The following SPOCK1 variants were observed in gnomAD, a reference collection of about 807,000 sequenced individuals.
SPOCK1 encodes testican-1.
In SPOCK1, 23 loss-of-function variants were observed where a neutral mutation model predicts 55.3. The ratio of observed to expected loss-of-function variants is 0.42; its 90% CI spans 0.30 to 0.59. The LOEUF is 0.59. Ranked by LOEUF, SPOCK1 falls within the 20% of genes least tolerant of loss-of-function variation. The probability of loss-of-function intolerance (pLI) is 0.22; values close to 1 mark genes in which losing one functional copy is unlikely to be tolerated. For synonymous variants in SPOCK1, 226 were observed against 221.0 expected, an observed-to-expected ratio of 1.02 and a Z score of -0.20; for missense variants, 499 against 552.5, an observed-to-expected ratio of 0.90 and a Z score of 0.97.
At chr5:137,461,599 G>C (rs560487173) in intron 2 of SPOCK1, among the ~76,000 whole-genome samples, 161 of 152,280 alleles carry the variant, frequency 1.1e-3, no homozygotes, top group African/African-American at 3.8e-3. Context: ...GAGTCTCCTG[G>C]AAAGCTTAGG....
At chr5:137,267,788 G>T (rs559769172) in intron 2 of SPOCK1, among the ~76,000 whole-genome samples, 1 of 152,200 alleles carries the variant, frequency 6.6e-6, no homozygotes, top group African/African-American at 2.4e-5. Context: ...CTTCCTAACA[G>T]CCACCATGTA....
At chr5:137,210,888 G>A (rs886926388) in intron 3 of SPOCK1, among the ~76,000 whole-genome samples, 1 of 152,250 alleles carries the variant, frequency 6.6e-6, no homozygotes, top group South Asian at 2.1e-4. Flanking sequence ...GGAGTCCAGG[G>A]GCTCAATTCT....
At chr5:137,256,148 C>A (rs1248463338) in intron 3 of SPOCK1, among the ~76,000 whole-genome samples, 1 of 152,146 alleles carries the variant, frequency 6.6e-6, no homozygotes, top group Non-Finnish European at 1.5e-5. Flanking sequence ...GCACCATATT[C>A]TGTATGGATT....
intron 2 of SPOCK1, among the ~76,000 whole-genome samples, chr5:137,319,493 G>C (rs1757940591): frequency 6.6e-6 from 1 of 152,166 alleles, no homozygotes; most frequent in Admixed American, 6.5e-5. Flanking sequence ...TTTCTTGGAA[G>C]GCATCAATGA....
At chr5:137,487,494 C>A (rs1754084397) in intron 2 of SPOCK1, among the ~76,000 whole-genome samples, 1 of 152,226 alleles carries the variant, frequency 6.6e-6, no homozygotes, top group Admixed American at 6.5e-5. Context: ...AGTAAACATT[C>A]TTTATTACAT....
At chr5:137,153,305 G>A (rs1285703201) in intron 3 of SPOCK1, among the ~76,000 whole-genome samples, 1 of 152,166 alleles carries the variant, frequency 6.6e-6, no homozygotes, top group Non-Finnish European at 1.5e-5. Context: ...AAAATTCAGA[G>A]CTGTGAGAAT....
chr5:137,366,169 C>T, intron 2 of SPOCK1, among the ~76,000 whole-genome samples: 1 of 152,186 alleles, frequency 6.6e-6, no homozygotes, highest in Non-Finnish European at 1.5e-5. Flanking sequence ...ACTGAATCTT[C>T]TCCAAGAATA....
chr5:137,125,514 G>T (rs1022487657), intron 4 of SPOCK1, among the ~76,000 whole-genome samples: 1 of 152,104 alleles, frequency 6.6e-6, no homozygotes, highest in African/African-American at 2.4e-5. Context: ...CTCTCAAAGG[G>T]ATTAGTGCCC....
At chr5:137,290,104 T>C (rs1757343945) in intron 2 of SPOCK1, among the ~76,000 whole-genome samples, 1 of 152,182 alleles carries the variant, frequency 6.6e-6, no homozygotes, top group South Asian at 2.1e-4. Context: ...CCTAGGATTT[T>C]ACCCAATGGA....
chr5:137,410,710 G>A (rs1020354643), intron 2 of SPOCK1, among the ~76,000 whole-genome samples: 1 of 152,228 alleles, frequency 6.6e-6, no homozygotes, highest in Non-Finnish European at 1.5e-5. Context: ...ACACCTGTGA[G>A]CATGAGCTCG....
Position 137,323,939 on chromosome 5 carries a change from G to A in SPOCK1, c.187-56884C>T, listed in dbSNP as rs1758028020. ...GAGGGTCCTCAAAAAATTAAAAAGAGAACTACCACATGATGCAGCCATCCC... is the reference window on the plus strand; with the variant it reads ...GAGGGTCCTCAAAAAATTAAAAAGAAAACTACCACATGATGCAGCCATCCC... On this transcript the variant is annotated intron_variant, in intron 2 of 10. Coordinates refer to ENST00000394945, the MANE Select transcript of SPOCK1 (RefSeq NM_004598.4). 3.3e-5 allele frequency among the ~76,000 whole-genome samples: 5 copies of A among 151,846 alleles called. No homozygotes were observed. In the South Asian group the frequency reaches 1.0e-3, roughly 32 times the overall value.
At chr5:137,479,605 G>C (rs1457715771) in intron 2 of SPOCK1, among the ~76,000 whole-genome samples, 1 of 152,170 alleles carries the variant, frequency 6.6e-6, no homozygotes, top group African/African-American at 2.4e-5. Flanking sequence ...GCACTGAATT[G>C]CTAATGCAAG....
intron 5 of SPOCK1, among the ~76,000 whole-genome samples, chr5:137,084,692 C>A (rs997981260): frequency 6.6e-6 from 1 of 151,926 alleles, no homozygotes; most frequent in Non-Finnish European, 1.5e-5. Flanking sequence ...AACCACAGCG[C>A]CTTACCAAGC....
intron 3 of SPOCK1, among the ~76,000 whole-genome samples, chr5:137,160,558 T>TATATATA (rs1554100824): frequency 4.4e-4 from 25 of 57,286 alleles, no homozygotes; most frequent in Admixed American, 2.0e-3. Context: ...TAATATATAT[T>TATATATA]ATATATTATA....
At chr5:137,375,112 G>A (rs186905344) in intron 2 of SPOCK1, among the ~76,000 whole-genome samples, 3 of 152,088 alleles carry the variant, frequency 2.0e-5, no homozygotes, top group South Asian at 2.1e-4. Context: ...TGGAATAAAC[G>A]ATGGCCAACA....
intron 6 of SPOCK1, among the ~76,000 whole-genome samples, chr5:137,021,873 T>C (rs1462607548): frequency 2.6e-5 from 4 of 152,182 alleles, no homozygotes; most frequent in South Asian, 2.1e-4. Flanking sequence ...ATATCAATAA[T>C]GAGTTTAAAG....
At chr5:137,247,876 A>C (rs1243089242) in intron 3 of SPOCK1, among the ~76,000 whole-genome samples, 1 of 152,270 alleles carries the variant, frequency 6.6e-6, no homozygotes, top group Non-Finnish European at 1.5e-5. Flanking sequence ...AGAACTCACT[A>C]CCTGGGTAAA....
intron 3 of SPOCK1, among the ~76,000 whole-genome samples, chr5:137,187,859 C>CA (rs1205388946): frequency 6.6e-6 from 1 of 152,182 alleles, no homozygotes; most frequent in Non-Finnish European, 1.5e-5. Context: ...CAAAAAGCTA[C>CA]CAGTAGTGGT....
At chr5:137,236,631 G>A (rs1180717941) in intron 3 of SPOCK1, among the ~76,000 whole-genome samples, 1 of 152,174 alleles carries the variant, frequency 6.6e-6, no homozygotes, top group Non-Finnish European at 1.5e-5. Flanking sequence ...TAGGTCCTGA[G>A]GTATAGAGAT....
Sources: allele counts gnomAD v4.1 joint callset (sites outside exome capture counted in the v4.1 genomes callset), GRCh38; gene constraint gnomAD v4.1.1; transcripts MANE v1.5; gene names NCBI Gene and HGNC (gene_info 2026-07-23, HGNC 2026-07-21).